FAM167A: variants seen among roughly 807,000 people sequenced by gnomAD.
FAM167A encodes the protein family with sequence similarity 167 member A.
A neutral mutation model predicts 14.9 loss-of-function variants in FAM167A; 23 were observed. The ratio of observed to expected loss-of-function variants is 1.55; its 90% CI spans 1.11 to 2.19. FAM167A has a LOEUF of 2.19. FAM167A is among the 30% of genes most tolerant of loss of function. FAM167A has a pLI of 0.00. For missense variants in FAM167A, 401 were observed against 281.5 expected (o/e 1.42, Z -3.04); for synonymous variants, 174 against 117.7 (o/e 1.48, Z -3.10).
At chr8:11,452,403 C>T (rs1357278159) in intron 1 of FAM167A, among the ~76,000 whole-genome samples, 1 of 152,236 alleles carries the variant, frequency 6.6e-6, no homozygotes, top group Non-Finnish European at 1.5e-5. Flanking sequence ...AACTGAAGGG[C>T]CGAGAAGTCT....
At chr8:11,475,245 G>T (rs1797834360) in intron 1 of FAM167A, among the ~76,000 whole-genome samples, 2 of 152,260 alleles carry the variant, frequency 1.3e-5, no homozygotes, top group African/African-American at 4.8e-5. Flanking sequence ...CTCCAGCCTG[G>T]CCTCAGTTTT....
At chr8:11,429,794 G>A (rs1278807649) in intron 2 of FAM167A, among the ~76,000 whole-genome samples, 4 of 152,180 alleles carry the variant, frequency 2.6e-5, no homozygotes, top group South Asian at 2.1e-4. Context: ...CTCCTCACTC[G>A]TTGGGTGGCA....
At chr8:11,472,371 C>G (rs1043801413), upstream of FAM167A, among the ~76,000 whole-genome samples, 4 of 151,638 alleles carry the variant, frequency 2.6e-5, no homozygotes, top group Admixed American at 1.3e-4. Context: ...TTGGTGACAG[C>G]TGGAAGGAGG....
chr8:11,436,811 G>A (rs906454312), intron 2 of FAM167A, among the ~76,000 whole-genome samples: 3 of 152,134 alleles, frequency 2.0e-5, no homozygotes, highest in Non-Finnish European at 2.9e-5. Context: ...CAGATGTAGC[G>A]GGAGCTTCAC....
At chr8:11,437,341 C>T (rs918343363) in intron 2 of FAM167A, among the ~76,000 whole-genome samples, 6 of 152,290 alleles carry the variant, frequency 3.9e-5, no homozygotes, top group East Asian at 3.9e-4. Context: ...TATAAACATG[C>T]GTAATACAGT....
intron 1 of FAM167A, among the ~76,000 whole-genome samples, chr8:11,459,755 C>G (rs1472523446): frequency 2.6e-5 from 4 of 152,224 alleles, no homozygotes; most frequent in Non-Finnish European, 5.9e-5. Flanking sequence ...GCTCTTCTCA[C>G]CCAGGCTGGA....
chr8:11,438,059 G>C (rs539429946), intron 2 of FAM167A: 157 of 416,392 alleles, frequency 3.8e-4, no homozygotes, highest in South Asian at 2.6e-3. Context: ...ACAAAGACAG[G>C]AGCCCTGACC....
At chr8:11,462,127 C>A (rs1161406659) in intron 1 of FAM167A, among the ~76,000 whole-genome samples, 1 of 152,224 alleles carries the variant, frequency 6.6e-6, no homozygotes, top group Middle Eastern at 3.2e-3. Context: ...ACTTTGCTTC[C>A]CTGCCGTGTC....
chr8:11,440,784 G>A (rs1461202776), intron 2 of FAM167A, among the ~76,000 whole-genome samples: 1 of 152,248 alleles, frequency 6.6e-6, no homozygotes, highest in Non-Finnish European at 1.5e-5. Context: ...GCTTGCCCAG[G>A]TGTAGAGAAA....
intron 2 of FAM167A, 35 bp from the exon 3 acceptor site, chr8:11,424,671 G>C: frequency 6.2e-7 from 1 of 1,606,578 alleles, no homozygotes; most frequent in Non-Finnish European, 8.5e-7. Flanking sequence ...GGTCAGCAGA[G>C]AGTGGCTCGA....
chr8:11,431,598 C>T (rs1157215960), intron 2 of FAM167A, among the ~76,000 whole-genome samples: 1 of 152,132 alleles, frequency 6.6e-6, no homozygotes, highest in African/African-American at 2.4e-5. Context: ...CAGTTCAATC[C>T]AGTTTGCCCA....
intron 2 of FAM167A, among the ~76,000 whole-genome samples, chr8:11,433,719 TC>T (rs1219207083): frequency 1.3e-5 from 2 of 152,066 alleles, no homozygotes; most frequent in African/African-American, 4.8e-5. Context: ...ATCTCTCCTA[TC>T]CCAGCCTAAT....
chr8:11,426,600 C>A (rs897960104), intron 2 of FAM167A, among the ~76,000 whole-genome samples: 1 of 152,040 alleles, frequency 6.6e-6, no homozygotes, highest in Non-Finnish European at 1.5e-5. Flanking sequence ...GGAGGCAGGT[C>A]TATGCCTTTC....
In FAM167A at chr8:11,424,375, A is replaced by C. The variant is rs771301144; in HGVS notation, c.643T>G (p.Ter215GlyextTer23). The change falls in exon 3 of 3, where the codon TGA becomes GGA. Residue 215 changes from the stop codon to glycine, a stop_lost. Coordinates refer to ENST00000284486, the MANE Select transcript of FAM167A (RefSeq NM_053279.3). ...NINSRRFSLC[*>G] ...CCTCCGCCCAGTCTGAGGGCTCCTCAGCAGAGAGAGAACCTCCGAGAGTTG... is the reference window on the plus strand; with the variant it reads ...CCTCCGCCCAGTCTGAGGGCTCCTCCGCAGAGAGAGAACCTCCGAGAGTTG... 6.2e-7 allele frequency: 1 copy of C among 1,613,984 alleles called. No individual in the cohort carries two copies. Among genetic ancestry groups the C allele is most frequent in the Non-Finnish European group, 8.5e-7 (1 of 1,179,962 alleles).
At chr8:11,448,819 C>G (rs1236814159) in intron 1 of FAM167A, among the ~76,000 whole-genome samples, 1 of 152,252 alleles carries the variant, frequency 6.6e-6, no homozygotes, top group East Asian at 1.9e-4. Flanking sequence ...CCCCAGAAGC[C>G]TGGTTTCTGG....
At chr8:11,475,402 A>C (rs187901153) in intron 1 of FAM167A, among the ~76,000 whole-genome samples, 66 of 152,200 alleles carry the variant, frequency 4.3e-4, no homozygotes, top group Non-Finnish European at 7.1e-4. Flanking sequence ...AAAGCCTCTC[A>C]ACCTCACCCC....
intron 1 of FAM167A, among the ~76,000 whole-genome samples, chr8:11,473,849 G>A (rs997994508): frequency 1.3e-5 from 2 of 151,934 alleles, no homozygotes; most frequent in African/African-American, 2.4e-5. Flanking sequence ...TTTTTTGTTT[G>A]TTTCTTTTTC....
At chr8:11,460,230 C>T (rs764791071) in intron 1 of FAM167A, among the ~76,000 whole-genome samples, 2 of 152,238 alleles carry the variant, frequency 1.3e-5, no homozygotes, top group Non-Finnish European at 2.9e-5. Context: ...AGGCAGCCCT[C>T]GGTGCCTCCT....
At chr8:11,428,014 T>A (rs532158033) in intron 2 of FAM167A, among the ~76,000 whole-genome samples, 7 of 152,246 alleles carry the variant, frequency 4.6e-5, no homozygotes, top group Admixed American at 1.3e-4. Context: ...CTGAAAGATA[T>A]TGTCTGCGAA....
Sources: gnomAD v4.1 joint callset for allele counts (sites outside exome capture counted in the v4.1 genomes callset) on GRCh38, gnomAD v4.1.1 for gene constraint, MANE v1.5 for transcripts, NCBI Gene and HGNC (gene_info 2026-07-23, HGNC 2026-07-21) for gene names.